TRMT11: variants seen among roughly 807,000 people sequenced by gnomAD.
The protein encoded by TRMT11 is tRNA (guanine(10)-N(2))-methyltransferase TRMT11.
TRMT11 carries 53 observed loss-of-function variants against 62.8 expected under a neutral mutation model. The observed-to-expected ratio is 0.84, with a 90% CI of 0.68 to 1.06. TRMT11 has a LOEUF of 1.06. Among genes scored for constraint, TRMT11 ranks in the 50% least tolerant of loss-of-function variants. The pLI is 0.00. For synonymous variants in TRMT11, 188 were observed against 190.3 expected (o/e 0.99, Z 0.10); for missense variants, 556 against 553.4 (o/e 1.00, Z -0.05).
intron 1 of TRMT11, among the ~76,000 whole-genome samples, chr6:125,988,374 A>G (rs1790015893): frequency 2.0e-5 from 3 of 152,160 alleles, no homozygotes; most frequent in Admixed American, 2.0e-4. Context: ...GAAATTGGTT[A>G]ACAGTTTGAA....
chr6:126,140,513 A>G (rs529443040), intron 21 of TRMT11, among the ~76,000 whole-genome samples: 14 of 152,176 alleles, frequency 9.2e-5, no homozygotes, highest in African/African-American at 3.1e-4. Flanking sequence ...CATTTCAAGT[A>G]TAGTCTTTTC....
intron 21 of TRMT11, among the ~76,000 whole-genome samples, chr6:126,160,774 T>A (rs1399231719): frequency 6.6e-6 from 1 of 152,186 alleles, no homozygotes; most frequent in Non-Finnish European, 1.5e-5. Flanking sequence ...TACTGAGAGC[T>A]ATAAAACGTG....
chr6:126,193,655 G>C (rs1332333971), intron 1 of TRMT11, among the ~76,000 whole-genome samples: 1 of 151,510 alleles, frequency 6.6e-6, no homozygotes, highest in Non-Finnish European at 1.5e-5. Context: ...ACCACGCCTG[G>C]CTAATTTTTT....
chr6:126,127,297 G>A lies in TRMT11; in HGVS notation c.*1823+11442G>A, dbSNP rs139695963. On this transcript the variant is annotated intron_variant and NMD_transcript_variant, in intron 21 of 22. Coordinates refer to the TRMT11 transcript ENST00000648977. ...TTGGAGAAGAGGAGACTTTGGGGTC[G>A]GGAGTGGTAGTTTGAGAGAGGGCAG... 1.9e-3 allele frequency among the ~76,000 whole-genome samples: 296 copies of A among 152,108 alleles called. 1 individual carries two copies. Among genetic ancestry groups the A allele is most frequent in the African/African-American group, 6.8e-3 (284 of 41,516 alleles).
rs181456690 is a variant in TRMT11, at chr6:126,056,575, C to A, written c.*1437+3385C>A. Among the ~76,000 whole-genome samples the A allele has an allele frequency of 6.9e-4, 105 of 152,230 alleles. 1 individual carries two copies. Among genetic ancestry groups the A allele is most frequent in the African/African-American group, 2.5e-3 (103 of 41,538 alleles). ...TTTGGGGTCAGCTGAAGCTTATTTC[C>A]TGGGCTACTCAACTCCTTTCTTGTT... On this transcript the variant is annotated intron_variant and NMD_transcript_variant, in intron 17 of 22. Transcript: ENST00000648977.
At chr6:125,990,472 C>T (rs975616516) in intron 1 of TRMT11, among the ~76,000 whole-genome samples, 9 of 152,008 alleles carry the variant, frequency 5.9e-5, no homozygotes, top group Middle Eastern at 3.2e-3. Context: ...CCCTTTCTAT[C>T]GGGCACTCAG....
At chr6:126,076,926 A>AT (rs2128149988) in intron 17 of TRMT11, among the ~76,000 whole-genome samples, 1 of 152,314 alleles carries the variant, frequency 6.6e-6, no homozygotes, top group Non-Finnish European at 1.5e-5. Context: ...CTCTATTCTG[A>AT]TCATCTCCAC....
chr6:126,218,198 T>C, the TRMT11 span, among the ~76,000 whole-genome samples: 3 of 152,176 alleles, frequency 2.0e-5, no homozygotes, highest in Admixed American at 1.3e-4. Context: ...AAGAACCCAG[T>C]TGGTGCTCTG....
intron 17 of TRMT11, among the ~76,000 whole-genome samples, chr6:126,062,696 C>T (rs369352818): frequency 1.3e-5 from 2 of 151,934 alleles, no homozygotes; most frequent in Non-Finnish European, 2.9e-5. Flanking sequence ...AAAGATATTA[C>T]TTGACAGGTT....
the TRMT11 span, among the ~76,000 whole-genome samples, chr6:126,235,841 A>G: frequency 6.6e-6 from 1 of 152,202 alleles, no homozygotes; most frequent in Non-Finnish European, 1.5e-5. Context: ...CATCCTGCAC[A>G]TGTACCCCTG....
chr6:126,002,867 A>G (rs1792745066), intron 7 of TRMT11, among the ~76,000 whole-genome samples: 1 of 152,060 alleles, frequency 6.6e-6, no homozygotes. Flanking sequence ...ATAATGGAAT[A>G]TATACATTTT....
At chr6:126,049,587 T>G (rs1776154410) in intron 16 of TRMT11, among the ~76,000 whole-genome samples, 1 of 152,150 alleles carries the variant, frequency 6.6e-6, no homozygotes, top group Non-Finnish European at 1.5e-5. Context: ...TCTATGGGAG[T>G]TCCATGCATG....
chr6:126,236,530 G>A, the TRMT11 span, among the ~76,000 whole-genome samples: 1 of 152,048 alleles, frequency 6.6e-6, no homozygotes, highest in South Asian at 2.1e-4. Context: ...GATTACTATT[G>A]ACACGAATTC....
chr6:126,016,209 G>T (rs1174771373), intron 11 of TRMT11, among the ~76,000 whole-genome samples: 1 of 152,118 alleles, frequency 6.6e-6, no homozygotes, highest in African/African-American at 2.4e-5. Flanking sequence ...TATTCTGTAA[G>T]AAAGAGCTTT....
At chr6:126,015,710 A>G (rs1303444017) in intron 11 of TRMT11, among the ~76,000 whole-genome samples, 1 of 152,164 alleles carries the variant, frequency 6.6e-6, no homozygotes, top group Non-Finnish European at 1.5e-5. Flanking sequence ...ACCAATTGCA[A>G]TCCATGTAGG....
chr6:126,240,396 G>T, the TRMT11 span, among the ~76,000 whole-genome samples: 1 of 152,146 alleles, frequency 6.6e-6, no homozygotes, highest in Non-Finnish European at 1.5e-5. Flanking sequence ...TGGTGTGGAT[G>T]TCATTTCTGT....
rs1777326493 is a variant in TRMT11, at chr6:126,095,154, G to A, written c.*1438-17712G>A. Among the ~76,000 whole-genome samples, 5 of 152,168 alleles carry A rather than the reference G, an allele frequency of 3.3e-5. No individual in the cohort carries two copies. In the South Asian group the frequency reaches 1.0e-3, roughly 32 times the overall value. ...ATTTAAGGACAACATACTTGAGATG[G>A]CTGGATACCAGGAATGTTTGGAAAT... is the stretch of plus-strand genomic sequence containing the variant. On this transcript the variant is annotated intron_variant and NMD_transcript_variant, in intron 17 of 22. Transcript: ENST00000648977.
chr6:125,989,121 ATTCTTTT>A (rs1301843697), intron 1 of TRMT11, among the ~76,000 whole-genome samples: 1 of 120,314 alleles, frequency 8.3e-6, no homozygotes, highest in Non-Finnish European at 1.8e-5. Context: ...AGGAGTTTGG[ATTCTTTT>A]TTTTTTTTTT....
chr6:126,133,479 G>A (rs1777812576), intron 21 of TRMT11, among the ~76,000 whole-genome samples: 1 of 151,912 alleles, frequency 6.6e-6, no homozygotes, highest in South Asian at 2.1e-4. Flanking sequence ...TGCCTGCTAT[G>A]CCCATAAAAG....
Sources: gnomAD v4.1 joint callset for allele counts (sites outside exome capture counted in the v4.1 genomes callset) on GRCh38, gnomAD v4.1.1 for gene constraint, MANE v1.5 for transcripts, NCBI Gene and HGNC (gene_info 2026-07-23, HGNC 2026-07-21) for gene names.